Variants in ANKS1B observed in about 807,000 individuals in gnomAD.
The protein encoded by ANKS1B is ankyrin repeat and sterile alpha motif domain containing 1B.
A neutral mutation model predicts 148.3 loss-of-function variants in ANKS1B; 36 were observed. That is an observed-to-expected ratio of 0.24 (90% CI 0.19 to 0.32). The LOEUF (loss-of-function observed/expected upper bound fraction) is 0.32. Among genes scored for constraint, ANKS1B ranks in the 10% least tolerant of loss-of-function variants. ANKS1B has a pLI of 1.00. For synonymous variants in ANKS1B, 542 were observed against 560.8 expected, an observed-to-expected ratio of 0.97 and a Z score of 0.47; for missense variants, 1,157 against 1,542.6, an observed-to-expected ratio of 0.75 and a Z score of 4.19.
chr12:99,384,229 A>G (rs1488464206), intron 12 of ANKS1B, among the ~76,000 whole-genome samples: 1 of 152,226 alleles, frequency 6.6e-6, no homozygotes, highest in African/African-American at 2.4e-5. Flanking sequence ...TTGTTACAGT[A>G]TAGTGGGAAG....
At chr12:99,002,217 G>A (rs1053390050) in intron 17 of ANKS1B, among the ~76,000 whole-genome samples, 4 of 152,122 alleles carry the variant, frequency 2.6e-5, no homozygotes, top group African/African-American at 4.8e-5. Context: ...ACTTTTTGAA[G>A]AACTGCCATA....
At chr12:99,277,398 T>A (rs1402188579) in intron 12 of ANKS1B, among the ~76,000 whole-genome samples, 1 of 152,078 alleles carries the variant, frequency 6.6e-6, no homozygotes, top group Non-Finnish European at 1.5e-5. Context: ...TGGTGCCACA[T>A]CGAAAAATGG....
intron 17 of ANKS1B, among the ~76,000 whole-genome samples, chr12:98,901,445 G>C (rs549121537): frequency 6.6e-5 from 10 of 152,314 alleles, no homozygotes; most frequent in Non-Finnish European, 1.2e-4. Flanking sequence ...GGCTAGGATG[G>C]AAATGTTTTG....
intron 25 of ANKS1B, among the ~76,000 whole-genome samples, chr12:98,771,082 A>G (rs750257897): frequency 1.3e-5 from 2 of 152,122 alleles, no homozygotes; most frequent in African/African-American, 2.4e-5. Context: ...CCATTTTCCA[A>G]GTTTGTAATA....
At chr12:99,478,217 TGTTGAGAGGG>T (rs1401068470) in intron 10 of ANKS1B, among the ~76,000 whole-genome samples, 1 of 152,118 alleles carries the variant, frequency 6.6e-6, no homozygotes, top group African/African-American at 2.4e-5. Flanking sequence ...CCTCCCAAGA[TGTTGAGAGGG>T]GTCTAGAAAT....
chr12:99,000,786 T>G (rs935888115), intron 17 of ANKS1B, among the ~76,000 whole-genome samples: 1 of 152,180 alleles, frequency 6.6e-6, no homozygotes, highest in Non-Finnish European at 1.5e-5. Flanking sequence ...TAACCACCAT[T>G]TATTCTACTC....
intron 8 of ANKS1B, among the ~76,000 whole-genome samples, chr12:99,714,966 A>C (rs2057114702): frequency 6.9e-6 from 1 of 145,018 alleles, no homozygotes; most frequent in Non-Finnish European, 1.5e-5. Context: ...TAAAAATACA[A>C]AAAAAAAAAA....
chr12:99,278,957 A>G (rs1815745922), intron 12 of ANKS1B, among the ~76,000 whole-genome samples: 1 of 152,124 alleles, frequency 6.6e-6, no homozygotes, highest in Non-Finnish European at 1.5e-5. Flanking sequence ...AGCATATGGC[A>G]CTTGGTACAA....
chr12:99,341,431 CAT>C (rs1472216193), intron 12 of ANKS1B, among the ~76,000 whole-genome samples: 1 of 152,120 alleles, frequency 6.6e-6, no homozygotes, highest in Non-Finnish European at 1.5e-5. Flanking sequence ...TGATTTCACA[CAT>C]GAGTACCAGT....
In ANKS1B at chr12:99,779,097, G is replaced by T. The variant is rs1014929419; in HGVS notation, c.847+774C>A. Among the ~76,000 whole-genome samples, 118 of 152,196 alleles carry T rather than the reference G, an allele frequency of 7.8e-4. 1 individual carries two copies. The highest frequency in any genetic ancestry group is 1.5e-4 in the Non-Finnish European group (10 of 68,034). ...CAGGCCTAATCACCAAACAGGAAGA[G>T]AAAGCATTTAAGTCTAATTTTGTTA... On this transcript the variant is annotated intron_variant, in intron 6 of 26. Coordinates refer to ENST00000683438, the MANE Select transcript of ANKS1B (RefSeq NM_001352186.2).
intron 14 of ANKS1B, among the ~76,000 whole-genome samples, chr12:99,219,612 T>C (rs1224105794): frequency 6.6e-6 from 1 of 152,184 alleles, no homozygotes; most frequent in Non-Finnish European, 1.5e-5. Context: ...TACAGGCTTT[T>C]GTGAAAAAGT....
At chr12:99,464,584 G>A (rs1400927267) in intron 10 of ANKS1B, among the ~76,000 whole-genome samples, 1 of 152,196 alleles carries the variant, frequency 6.6e-6, no homozygotes, top group Non-Finnish European at 1.5e-5. Context: ...AACCAATACA[G>A]AGAAGTGCTT....
At chr12:99,285,737 G>C (rs1439652737) in intron 12 of ANKS1B, among the ~76,000 whole-genome samples, 1 of 152,060 alleles carries the variant, frequency 6.6e-6, no homozygotes, top group Non-Finnish European at 1.5e-5. Context: ...CATGGAGAGA[G>C]AATCTGTGTG....
At chr12:99,093,666 T>A in intron 15 of ANKS1B, 1 of 152,168 alleles carries the variant, frequency 6.6e-6, no homozygotes, top group East Asian at 1.9e-4. Flanking sequence ...AAGGAGCCTG[T>A]GATGGTGAAG....
intron 14 of ANKS1B, among the ~76,000 whole-genome samples, chr12:99,188,374 C>A (rs12830933): frequency 0.24 from 37,249 of 152,080 alleles, 4,735 homozygotes; most frequent in Middle Eastern, 0.27. Context: ...CTGTCCATCC[C>A]AAATCAACAG....
At chr12:99,138,735 C>T (rs960221954) in intron 15 of ANKS1B, among the ~76,000 whole-genome samples, 1 of 152,162 alleles carries the variant, frequency 6.6e-6, no homozygotes, top group African/African-American at 2.4e-5. Flanking sequence ...ACACTACATG[C>T]ATTTTGACAT....
chr12:99,964,354 A>T (rs759514014), intron 1 of ANKS1B, among the ~76,000 whole-genome samples: 2 of 152,254 alleles, frequency 1.3e-5, no homozygotes, highest in Non-Finnish European at 2.9e-5. Context: ...TCACCTAGAT[A>T]AAAAGAAGAG....
At chr12:99,900,342 C>T (rs901256373) in intron 1 of ANKS1B, among the ~76,000 whole-genome samples, 5 of 151,338 alleles carry the variant, frequency 3.3e-5, no homozygotes, top group African/African-American at 4.8e-5. Flanking sequence ...CCTGTCTCTA[C>T]TAAAAATACA....
intron 8 of ANKS1B, among the ~76,000 whole-genome samples, chr12:99,672,495 T>A (rs555111040): frequency 1.5e-4 from 23 of 152,274 alleles, no homozygotes; most frequent in Middle Eastern, 6.8e-3. Flanking sequence ...ATCCTGTCAT[T>A]GCATAAAGAC....
Sources: allele counts gnomAD v4.1 joint callset (sites outside exome capture counted in the v4.1 genomes callset), GRCh38; gene constraint gnomAD v4.1.1; transcripts MANE v1.5; gene names NCBI Gene and HGNC (gene_info 2026-07-23, HGNC 2026-07-21).